DSCAML1: variants seen among roughly 807,000 people sequenced by gnomAD.
DSCAML1 encodes DS cell adhesion molecule like 1, also known as cell adhesion molecule DSCAML1.
DSCAML1 carries 38 observed loss-of-function variants against 200.5 expected under a neutral mutation model. That is an observed-to-expected ratio of 0.19 (90% CI 0.15 to 0.25). The LOEUF is 0.25. DSCAML1 is among the 10% of genes least tolerant of loss of function. The pLI, the probability that DSCAML1 is intolerant of heterozygous loss-of-function variation, is 1.00. For missense variants in DSCAML1, 2,223 were observed against 2,858.8 expected (o/e 0.78, Z 5.07); for synonymous variants, 1,215 against 1,165.0 (o/e 1.04, Z -0.87).
At chr11:117,720,868 ACTAG>A (rs967877403) in intron 3 of DSCAML1, among the ~76,000 whole-genome samples, 29 of 152,244 alleles carry the variant, frequency 1.9e-4, no homozygotes, top group African/African-American at 5.3e-4. Flanking sequence ...CATTACCATT[ACTAG>A]TTAACCATCA....
chr11:117,802,981 G>A (rs752956909), intron 1 of DSCAML1, among the ~76,000 whole-genome samples: 6 of 151,952 alleles, frequency 3.9e-5, no homozygotes, highest in Non-Finnish European at 7.4e-5. Flanking sequence ...TGAAAACACT[G>A]TAGAATAATA....
At chr11:117,640,873 T>C (rs2052392215) in intron 3 of DSCAML1, among the ~76,000 whole-genome samples, 1 of 152,118 alleles carries the variant, frequency 6.6e-6, no homozygotes, top group South Asian at 2.1e-4. Context: ...AGAACTGAGA[T>C]GAGATTTGTT....
intron 3 of DSCAML1, among the ~76,000 whole-genome samples, chr11:117,743,749 A>G (rs533753355): frequency 6.6e-6 from 1 of 152,384 alleles, no homozygotes; most frequent in Admixed American, 6.5e-5. Flanking sequence ...CCTTGTGTTT[A>G]TCCCTAACAA....
chr11:117,479,653 T>C (rs556304279), intron 14 of DSCAML1, among the ~76,000 whole-genome samples: 122 of 152,170 alleles, frequency 8.0e-4, no homozygotes, highest in Non-Finnish European at 1.6e-3. Flanking sequence ...GAAGGGCTTT[T>C]TTTGTTTTTT....
chr11:117,598,175 A>C (rs1386082475), intron 3 of DSCAML1, among the ~76,000 whole-genome samples: 1 of 152,266 alleles, frequency 6.6e-6, no homozygotes, highest in Non-Finnish European at 1.5e-5. Context: ...CTGTCCAAGA[A>C]TAAGAGACTT....
At chr11:117,712,329 G>C (rs1435880669) in intron 3 of DSCAML1, among the ~76,000 whole-genome samples, 1 of 152,094 alleles carries the variant, frequency 6.6e-6, no homozygotes, top group African/African-American at 2.4e-5. Flanking sequence ...GTTGGGGAGG[G>C]TTCTCTTTGA....
chr11:117,610,869 C>T (rs531438965), intron 3 of DSCAML1, among the ~76,000 whole-genome samples: 3 of 132,158 alleles, frequency 2.3e-5, no homozygotes, highest in African/African-American at 8.3e-5. Context: ...TGTTCGTAGA[C>T]TTCTTCACAC....
In DSCAML1 at chr11:117,728,600, T is replaced by C. The variant is rs756047530; in HGVS notation, c.511+48191A>G. Among the ~76,000 whole-genome samples, 3 of 136,584 alleles carry C rather than the reference T, an allele frequency of 2.2e-5. No homozygotes were observed. The East Asian group carries it at 5.8e-4, about 26-fold the overall frequency. The allele number at this position is 136,584 out of a possible 152,430, so 89.6% of individuals were successfully genotyped here. A position where few individuals can be genotyped will look rare whatever the true frequency, so the allele number is the denominator to read the frequency against. ...AAGTGAGTTCAGCAAGGTTTCAGAA[T>C]ACAATATTGATACTCAAAAATCTAT... On this transcript the variant is annotated intron_variant, in intron 3 of 32. Transcript: ENST00000651296.
At chr11:117,791,203 G>A (rs1210162216) in intron 1 of DSCAML1, among the ~76,000 whole-genome samples, 1 of 152,192 alleles carries the variant, frequency 6.6e-6, no homozygotes, top group Non-Finnish European at 1.5e-5. Flanking sequence ...GCCTGCCATA[G>A]GCAGCACTTG....
At chr11:117,428,853 A>G in intron 32 of DSCAML1, 50 bp from the exon 33 acceptor site, 1 of 1,511,694 alleles carries the variant, frequency 6.6e-7, no homozygotes, top group East Asian at 2.4e-5. Context: ...GCCCTCTGGA[A>G]GCAGCTCGTT....
chr11:117,697,326 A>G (rs1208169248), intron 3 of DSCAML1, among the ~76,000 whole-genome samples: 1 of 152,190 alleles, frequency 6.6e-6, no homozygotes. Flanking sequence ...GCATACACTG[A>G]TGGGAAGATC....
chr11:117,706,494 A>T (rs972527757), intron 3 of DSCAML1, among the ~76,000 whole-genome samples: 11 of 152,190 alleles, frequency 7.2e-5, no homozygotes, highest in African/African-American at 2.7e-4. Flanking sequence ...GAGAAGGAAG[A>T]GGTGTAAATG....
intron 3 of DSCAML1, among the ~76,000 whole-genome samples, chr11:117,579,089 T>C (rs1661814380): frequency 6.6e-6 from 1 of 152,214 alleles, no homozygotes; most frequent in African/African-American, 2.4e-5. Context: ...CAGACTCATC[T>C]AATTCCTCTC....
chr11:117,725,409 G>A (rs1005291603), intron 3 of DSCAML1, among the ~76,000 whole-genome samples: 1 of 152,180 alleles, frequency 6.6e-6, no homozygotes, highest in East Asian at 1.9e-4. Flanking sequence ...CAGGGCAGAG[G>A]GAGCTTCAAC....
At chr11:117,535,026 C>CTCCTTTCTTTCCTCCCTCCA (rs2050140799) in intron 3 of DSCAML1, among the ~76,000 whole-genome samples, 1 of 152,112 alleles carries the variant, frequency 6.6e-6, no homozygotes, top group African/African-American at 2.4e-5. Flanking sequence ...TCCTCCCTCC[C>CTCCTTTCTTTCCTCCCTCCA]GCACATCTCT....
intron 3 of DSCAML1, among the ~76,000 whole-genome samples, chr11:117,617,257 A>C (rs2051828277): frequency 6.6e-6 from 1 of 152,220 alleles, no homozygotes. Flanking sequence ...TGACTCAACT[A>C]GAGGCACCTC....
At chr11:117,672,683 C>A (rs1285460076) in intron 3 of DSCAML1, among the ~76,000 whole-genome samples, 1 of 152,168 alleles carries the variant, frequency 6.6e-6, no homozygotes. Context: ...TTTTTTTATT[C>A]AATACACATC....
At chr11:117,623,542 C>A (rs2051983110) in intron 3 of DSCAML1, among the ~76,000 whole-genome samples, 1 of 152,112 alleles carries the variant, frequency 6.6e-6, no homozygotes, top group Admixed American at 6.5e-5. Flanking sequence ...CAGTGGAAGG[C>A]CCCTTAGCAT....
intron 15 of DSCAML1, 111 bp from the exon 16 acceptor site, chr11:117,470,091 C>T: frequency 1.0e-6 from 1 of 998,446 alleles, no homozygotes; most frequent in Non-Finnish European, 1.4e-6. Flanking sequence ...GGGGAGAAGA[C>T]TAAGCTCAGA....
Sources: gnomAD v4.1 joint callset for allele counts (sites outside exome capture counted in the v4.1 genomes callset) on GRCh38, gnomAD v4.1.1 for gene constraint, MANE v1.5 for transcripts, NCBI Gene and HGNC (gene_info 2026-07-23, HGNC 2026-07-21) for gene names.